Variants in ATP2A2 observed in about 807,000 individuals in gnomAD.
ATP2A2 encodes sarcoplasmic/endoplasmic reticulum calcium ATPase 2.
ATP2A2 carries 14 observed loss-of-function variants against 109.3 expected under a neutral mutation model. That is an observed-to-expected ratio of 0.13 (90% confidence interval 0.08 to 0.20). ATP2A2 has a LOEUF of 0.20. Ranked by LOEUF, ATP2A2 falls within the 10% of genes least tolerant of loss-of-function variation. The pLI, the probability that ATP2A2 is intolerant of heterozygous loss-of-function variation, is 1.00. For missense variants in ATP2A2, 657 were observed against 1,321.6 expected (o/e 0.50, Z 7.80); for synonymous variants, 506 against 490.9 (o/e 1.03, Z -0.41).
intron 4 of ATP2A2, among the ~76,000 whole-genome samples, chr12:110,293,780 T>A (rs1873615031): frequency 6.7e-6 from 1 of 150,180 alleles, no homozygotes; most frequent in Admixed American, 6.7e-5. Context: ...TGTGGTAGGT[T>A]CATAGAAAGA....
intron 18 of ATP2A2, 35 bp downstream of exon 18, chr12:110,345,417 T>C (rs752789957): frequency 1.9e-6 from 3 of 1,613,946 alleles, no homozygotes; most frequent in Admixed American, 3.3e-5. Context: ...GAGGCGAGCA[T>C]GGTGACTGCC....
rs1242400317 is a variant in ATP2A2, at chr12:110,349,024, A to T, written c.*2554A>T. 1.0e-6 allele frequency: 1 copy of T among 985,206 alleles called. No individual in the cohort carries two copies. The highest frequency in any genetic ancestry group is 1.7e-5 in the African/African-American group (1 of 57,202). 61.0% of individuals were successfully genotyped at this position (985,206 alleles called of 1,614,324 possible). ...TGTGGCCTGCTGTCGCACAGCCCCT[A>T]GTTAGCTTCATGGTTTCTCAGCTTC... On this transcript the variant is annotated 3_prime_UTR_variant, in exon 20 of 20. Transcript: ENST00000539276.
At chr12:110,333,406 C>G in intron 10 of ATP2A2, 123 bp downstream of exon 10, 1 of 921,352 alleles carries the variant, frequency 1.1e-6, no homozygotes, top group Non-Finnish European at 1.8e-6. Context: ...TTGTTTCCCC[C>G]TTCCATTCAG....
At chr12:110,311,153 A>G (rs1458040884) in intron 5 of ATP2A2, among the ~76,000 whole-genome samples, 1 of 152,230 alleles carries the variant, frequency 6.6e-6, no homozygotes, top group Non-Finnish European at 1.5e-5. Flanking sequence ...AACATTTAGC[A>G]AACATTAAAT....
intron 5 of ATP2A2, among the ~76,000 whole-genome samples, chr12:110,311,610 A>C (rs969003457): frequency 1.5e-4 from 22 of 150,416 alleles, no homozygotes; most frequent in Admixed American, 4.0e-4. Context: ...AAAAAAAAAA[A>C]AAAAAAAAAA....
chr12:110,348,840 T>TA lies in ATP2A2; in HGVS notation c.*2372dup, dbSNP rs1300835860. The TA allele has an allele frequency of 3.0e-6, 3 of 985,266 alleles. No homozygotes were observed. Among genetic ancestry groups the TA allele is most frequent in the Admixed American group, 6.1e-5 (1 of 16,262 alleles). The allele number at this position is 985,266 out of a possible 1,614,324, so 61.0% of individuals were successfully genotyped here. On this transcript the variant is annotated 3_prime_UTR_variant, in exon 20 of 20. Coordinates refer to ENST00000539276, the MANE Select transcript of ATP2A2 (RefSeq NM_170665.4). ...TTGCCAGTTTGAGCATCATGAGGTG[T>TA]AACAAGAAATGGGTTGAATGGGCCA...
chr12:110,335,862 G>T (rs1878790608), intron 11 of ATP2A2, among the ~76,000 whole-genome samples: 1 of 152,220 alleles, frequency 6.6e-6, no homozygotes, highest in East Asian at 1.9e-4. Flanking sequence ...CACCACCCAG[G>T]AAACATCATT....
At chr12:110,287,905 C>T (rs999518508) in intron 3 of ATP2A2, among the ~76,000 whole-genome samples, 3 of 151,886 alleles carry the variant, frequency 2.0e-5, no homozygotes, top group Non-Finnish European at 2.9e-5. Flanking sequence ...CATGAGCCAC[C>T]TCACCCAGCC....
At chr12:110,341,824 C>A (rs75316502) in intron 14 of ATP2A2, among the ~76,000 whole-genome samples, 1 of 152,158 alleles carries the variant, frequency 6.6e-6, no homozygotes, top group Admixed American at 6.5e-5. Context: ...GCCGAGACTG[C>A]GCCACTGCAC....
chr12:110,341,140 G>A (rs1879315451), intron 14 of ATP2A2, 146 bp downstream of exon 14: 1 of 933,038 alleles, frequency 1.1e-6, no homozygotes, highest in Non-Finnish European at 1.6e-6. Context: ...CGGTGAATCA[G>A]TGGTTAGCAT....
Position 110,336,363 on chromosome 12 carries a change from GA to G in ATP2A2, c.1419+2221del, listed in dbSNP as rs147323783. ...AAAGGCAAGCCTCATTTAGCAAAAT[GA>G]TTAGTTGTCACCACGTTTAATGCTT... On this transcript the variant is annotated intron_variant, in intron 11 of 19. Transcript: ENST00000539276. Among the ~76,000 whole-genome samples the G allele has an allele frequency of 5.7e-3, 872 of 152,310 alleles. 3 individuals carry two copies. The highest frequency in any genetic ancestry group is 0.02 in the African/African-American group (836 of 41,554).
chr12:110,297,779 G>A (rs752501863), intron 5 of ATP2A2, among the ~76,000 whole-genome samples: 4 of 151,824 alleles, frequency 2.6e-5, no homozygotes, highest in South Asian at 2.1e-4. Flanking sequence ...CACTACACTC[G>A]CCTAATTTTT....
chr12:110,332,040 A>G (rs1189590795), intron 8 of ATP2A2: 6 of 179,332 alleles, frequency 3.3e-5, no homozygotes, highest in Admixed American at 3.2e-4. Flanking sequence ...TTCATAGAAC[A>G]TGAGCTATTG....
At chr12:110,334,326 A>G in intron 11 of ATP2A2, 183 bp downstream of exon 11, 3 of 802,998 alleles carry the variant, frequency 3.7e-6, no homozygotes, top group Non-Finnish European at 6.0e-6. Flanking sequence ...GACCAGGAAA[A>G]TAAAAGCAAT....
intron 4 of ATP2A2, among the ~76,000 whole-genome samples, chr12:110,295,736 T>G (rs763274137): frequency 6.6e-6 from 1 of 152,194 alleles, no homozygotes; most frequent in Non-Finnish European, 1.5e-5. Flanking sequence ...CATTCTGAAA[T>G]CGGGAAGAAA....
At chr12:110,337,150 C>T (rs1592856220) in intron 11 of ATP2A2, among the ~76,000 whole-genome samples, 1 of 152,264 alleles carries the variant, frequency 6.6e-6, no homozygotes, top group Admixed American at 6.5e-5. Flanking sequence ...CATCCCTTGG[C>T]CAAGGGATCG....
At position 110,348,877 on chromosome 12, in the gene ATP2A2, T is replaced by C; in HGVS notation, c.*2407T>C. On this transcript the variant is annotated 3_prime_UTR_variant, in exon 20 of 20. Coordinates refer to ENST00000539276, the MANE Select transcript of ATP2A2 (RefSeq NM_170665.4). ...GGTTGAATGGGCCAAATGCAAGGAG[T>C]GCATCTCTGGGCTGCAAACTGACTT... is the stretch of plus-strand genomic sequence containing the variant. 1.0e-6 allele frequency: 1 copy of C among 985,300 alleles called. No individual in the cohort carries two copies. The highest frequency in any genetic ancestry group is 1.2e-6 in the Non-Finnish European group (1 of 829,912). 61.0% of individuals were successfully genotyped at this position (985,300 alleles called of 1,614,324 possible). A position where few individuals can be genotyped will look rare whatever the true frequency, so the allele number is the denominator to read the frequency against.
intron 5 of ATP2A2, among the ~76,000 whole-genome samples, chr12:110,300,343 A>G (rs1452757772): frequency 7.4e-6 from 1 of 134,584 alleles, no homozygotes; most frequent in African/African-American, 2.9e-5. Flanking sequence ...ACATGACACC[A>G]TGCCCAGCTT....
Position 110,344,881 on chromosome 12 carries a change from C to A in ATP2A2, c.2522-5C>A. On this transcript the variant is annotated splice_region_variant and splice_polypyrimidine_tract_variant and intron_variant, in intron 16 of 19. Transcript: ENST00000539276. ...GTGCATCAGCATCACTGTGTTTGTT[C>A]CCAGGTTACGTCGGCGCTGCTACCG... is the stretch of plus-strand genomic sequence containing the variant. 6.2e-7 allele frequency: 1 copy of A among 1,614,126 alleles called. No homozygotes were observed. Among genetic ancestry groups the A allele is most frequent in the South Asian group, 1.1e-5 (1 of 91,066 alleles).
Sources: gnomAD v4.1 joint callset for allele counts (sites outside exome capture counted in the v4.1 genomes callset) on GRCh38, gnomAD v4.1.1 for gene constraint, MANE v1.5 for transcripts, NCBI Gene and HGNC (gene_info 2026-07-23, HGNC 2026-07-21) for gene names.